GMPR: variants seen among roughly 807,000 people sequenced by gnomAD.
GMPR encodes the protein guanosine monophosphate reductase.
GMPR carries 31 observed loss-of-function variants against 38.4 expected under a neutral mutation model. That is an observed-to-expected ratio of 0.81 (90% CI 0.61 to 1.09). GMPR has a LOEUF of 1.09. GMPR is among the 50% of genes least tolerant of loss of function. GMPR has a pLI of 0.00. For synonymous variants in GMPR, 162 were observed against 173.3 expected, an observed-to-expected ratio of 0.93 and a Z score of 0.51; for missense variants, 468 against 453.7, an observed-to-expected ratio of 1.03 and a Z score of -0.29.
At chr6:16,273,273 C>T (rs1759415318) in intron 4 of GMPR, among the ~76,000 whole-genome samples, 2 of 152,184 alleles carry the variant, frequency 1.3e-5, no homozygotes, top group Non-Finnish European at 2.9e-5. Flanking sequence ...ACTTGGACTT[C>T]AGTGCAAAAG....
At chr6:16,275,717 A>T (rs1264201882) in intron 5 of GMPR, among the ~76,000 whole-genome samples, 1 of 152,000 alleles carries the variant, frequency 6.6e-6, no homozygotes, top group Non-Finnish European at 1.5e-5. Context: ...GATTAGGAAG[A>T]CTCTTTTTAG....
chr6:16,255,795 T>G (rs1581650338), intron 4 of GMPR, among the ~76,000 whole-genome samples: 1 of 152,368 alleles, frequency 6.6e-6, no homozygotes, highest in African/African-American at 2.4e-5. Context: ...TCGTTTCTTC[T>G]CATATATGTT....
intron 1 of GMPR, among the ~76,000 whole-genome samples, chr6:16,239,692 C>T (rs1424407934): frequency 1.3e-5 from 2 of 152,254 alleles, no homozygotes; most frequent in Non-Finnish European, 2.9e-5. Flanking sequence ...GTCCACTCAG[C>T]TCCACAAACA....
chr6:16,285,169 C>G (rs968047462), intron 6 of GMPR, among the ~76,000 whole-genome samples: 1 of 152,176 alleles, frequency 6.6e-6, no homozygotes, highest in African/African-American at 2.4e-5. Context: ...CAGACTGGCC[C>G]TGCTACACAT....
chr6:16,238,975 A>G (rs867047391), intron 1 of GMPR, among the ~76,000 whole-genome samples, 195 bp downstream of exon 1: 11 of 152,204 alleles, frequency 7.2e-5, no homozygotes, highest in Non-Finnish European at 1.2e-4. Context: ...ACGGGGGCCC[A>G]TGAAATTCTC....
chr6:16,270,708 A>T (rs917865375), intron 4 of GMPR, among the ~76,000 whole-genome samples: 8 of 152,172 alleles, frequency 5.3e-5, no homozygotes, highest in Non-Finnish European at 1.5e-5. Context: ...TCCTGGAAGC[A>T]TTCTTGCTGT....
In GMPR at chr6:16,246,838, A is replaced by T; in HGVS notation, c.88-4A>T. Reference sequence around the variant, plus strand: ...CTTTTTCTTTCTTTTTTTTTGGCCAACAGGTGGATCTTGAACGCACCTTCA... The same window carrying T: ...CTTTTTCTTTCTTTTTTTTTGGCCATCAGGTGGATCTTGAACGCACCTTCA... On this transcript the variant is annotated splice_region_variant and splice_polypyrimidine_tract_variant and intron_variant, in intron 1 of 8. Transcript: ENST00000259727. 1 of 1,607,674 alleles carries T rather than the reference A, an allele frequency of 6.2e-7. No homozygotes were observed. Among genetic ancestry groups the T allele is most frequent in the Non-Finnish European group, 8.5e-7 (1 of 1,177,966 alleles).
intron 1 of GMPR, among the ~76,000 whole-genome samples, chr6:16,246,636 A>G (rs541909167): frequency 6.6e-6 from 1 of 152,278 alleles, no homozygotes; most frequent in East Asian, 1.9e-4. Flanking sequence ...CTGGGAAAGT[A>G]GGAGAGAGCT....
chr6:16,281,015 GCT>G (rs1759561903), intron 6 of GMPR, among the ~76,000 whole-genome samples: 2 of 152,198 alleles, frequency 1.3e-5, no homozygotes, highest in Admixed American at 6.5e-5. Context: ...TGGGGTGGAG[GCT>G]CTGTGTGCCC....
chr6:16,276,420 C>G (rs1401501529), intron 5 of GMPR, among the ~76,000 whole-genome samples: 9 of 152,182 alleles, frequency 5.9e-5, no homozygotes, highest in Non-Finnish European at 1.3e-4. Context: ...ATCCACCCGC[C>G]TTGGCCTCCC....
rs139699412 is a variant in GMPR at position 16,280,127 on chromosome 6, G to A, written c.654+1237G>A. ...AAGATGGCTGCAAAGGAAGAGGTTC[G>A]GGGCTGGTGTGGTGATCACTATGGC... On this transcript the variant is annotated intron_variant, in intron 6 of 8. Transcript: ENST00000259727. Among the ~76,000 whole-genome samples, 937 of 152,286 alleles carry A rather than the reference G, an allele frequency of 6.2e-3. 10 individuals are homozygous for A. The highest frequency in any genetic ancestry group is 0.02 in the African/African-American group (816 of 41,564).
At chr6:16,271,665 TATAAA>T (rs1759389325) in intron 4 of GMPR, among the ~76,000 whole-genome samples, 1 of 152,046 alleles carries the variant, frequency 6.6e-6, no homozygotes, top group African/African-American at 2.4e-5. Flanking sequence ...TTCCTCGCAC[TATAAA>T]AAACAAAACT....
intron 6 of GMPR, among the ~76,000 whole-genome samples, chr6:16,280,761 A>C (rs1313179274): frequency 1.3e-5 from 2 of 152,206 alleles, no homozygotes; most frequent in African/African-American, 2.4e-5. Context: ...GTTAGTCCCC[A>C]AAATCCCCAT....
chr6:16,238,814 A>AT (rs749182206), intron 1 of GMPR, 34 bp downstream of exon 1: 1,902 of 1,263,594 alleles, frequency 1.5e-3, no homozygotes, highest in South Asian at 2.5e-3. Context: ...GTGGGGTGGG[A>AT]TTTTTTTTTC....
intron 4 of GMPR, among the ~76,000 whole-genome samples, chr6:16,271,713 T>C (rs993970793): frequency 6.6e-6 from 1 of 152,112 alleles, no homozygotes; most frequent in Non-Finnish European, 1.5e-5. Context: ...ATTATAAAAG[T>C]AACACACTTT....
At chr6:16,240,573 T>C (rs1317967435) in intron 1 of GMPR, among the ~76,000 whole-genome samples, 1 of 152,164 alleles carries the variant, frequency 6.6e-6, no homozygotes, top group Non-Finnish European at 1.5e-5. Flanking sequence ...GAGCTGGAGG[T>C]TACAGTGAGC....
intron 4 of GMPR, among the ~76,000 whole-genome samples, chr6:16,265,935 G>GACC (rs1331547772): frequency 6.6e-6 from 1 of 152,154 alleles, no homozygotes; most frequent in African/African-American, 2.4e-5. Flanking sequence ...AAGTCAGTGA[G>GACC]ACCACGAAGC....
chr6:16,290,605 G>A lies in GMPR; in HGVS notation c.841G>A (p.Gly281Arg). The A allele has an allele frequency of 1.2e-6, 2 of 1,614,170 alleles. No individual in the cohort carries two copies. Among genetic ancestry groups the A allele is most frequent in the Non-Finnish European group, 1.7e-6 (2 of 1,180,004 alleles). The change falls in exon 8 of 9, where the codon GGA (glycine) becomes AGA (arginine). Residue 281 changes from glycine to arginine, a missense_variant. Physicochemically the swap from Gly to Arg is moderately radical, Grantham distance 125. Coordinates refer to ENST00000259727, the MANE Select transcript of GMPR (RefSeq NM_006877.4). Reference sequence around the variant, plus strand: ...CACCGCCATGAACAAGCACGCAGGAGGAGTTGCTGAGTACAGGTGAGGAGG... The same window carrying A: ...CACCGCCATGAACAAGCACGCAGGAAGAGTTGCTGAGTACAGGTGAGGAGG... ...SDTAMNKHAGGVAEYRASEGK... is the reference protein window; with the variant it reads ...SDTAMNKHAGRVAEYRASEGK...
At chr6:16,281,671 A>ATT (rs3071344) in intron 6 of GMPR, among the ~76,000 whole-genome samples, 2,366 of 147,380 alleles carry the variant, frequency 0.016, 71 homozygotes, top group East Asian at 0.083. Context: ...CGCTCAGCCC[A>ATT]TTTTTTTTTT....
Sources: gnomAD v4.1 joint callset for allele counts (sites outside exome capture counted in the v4.1 genomes callset) on GRCh38, gnomAD v4.1.1 for gene constraint, MANE v1.5 for transcripts, NCBI Gene and HGNC (gene_info 2026-07-23, HGNC 2026-07-21) for gene names.